CFH: variants seen among roughly 807,000 people sequenced by gnomAD.
CFH encodes the protein complement factor H.
CFH carries 53 observed loss-of-function variants against 147.3 expected under a neutral mutation model. The ratio of observed to expected loss-of-function variants is 0.36; its 90% CI spans 0.29 to 0.45. The LOEUF (loss-of-function observed/expected upper bound fraction) is 0.45. CFH is among the 20% of genes least tolerant of loss of function. The pLI is 1.00. For missense variants in CFH, 1,380 were observed against 1,498.0 expected (o/e 0.92, Z 1.30); for synonymous variants, 536 against 489.4 (o/e 1.10, Z -1.26).
At chr1:196,662,881 T>A (rs1283465925) in intron 1 of CFH, among the ~76,000 whole-genome samples, 3 of 144,768 alleles carry the variant, frequency 2.1e-5, no homozygotes, top group East Asian at 2.0e-4. Context: ...TGTCAAAAAA[T>A]AAAATAAAAT....
Position 196,737,651 on chromosome 1 carries a change from C to T in CFH, c.2773C>T (p.Gln925Ter). Residue 925 changes from glutamine (Q) to a stop codon, truncating the protein, a stop_gained, in exon 17 of 22, where the codon CAG (glutamine) becomes TAG (stop). Coordinates refer to ENST00000367429, the MANE Select transcript of CFH (RefSeq NM_000186.4). LOFTEE classifies it high-confidence loss of function. ...CATGGGAAAATGGAGTTCTCCACCT[C>T]AGTGTGAAGGTTAGGCCAATATGAA... ...CYMGKWSSPP[Q>*]CEGLPCKSPP... is the part of the protein sequence containing the mutation. 1 of 1,613,018 alleles carries T rather than the reference C, an allele frequency of 6.2e-7. No individual in the cohort carries two copies. The highest frequency in any genetic ancestry group is 8.5e-7 in the Non-Finnish European group (1 of 1,179,320).
rs435628 is a variant in CFH at position 196,736,756 on chromosome 1, T to G, written c.2414-68T>G. On this transcript the variant is annotated intron_variant, in intron 15 of 21. Transcript: ENST00000367429. ...CATATAAATTATTTTTCATCAAAAA[T>G]TCTAATTTTAATATTTTTATTTTTT... 0.02 allele frequency: 15,631 copies of G among 787,696 alleles called. 1,658 individuals are homozygous for G. In the African/African-American group the frequency reaches 0.24, roughly 12 times the overall value. The allele number at this position is 787,696 out of a possible 1,614,324, so 48.8% of individuals were successfully genotyped here.
rs1190384043 is a variant in CFH at position 196,677,604 on chromosome 1, G to A, written c.556G>A (p.Gly186Arg). Residue 186 changes from glycine to arginine, a missense_variant, in exon 5 of 22, where the codon GGA becomes AGA. This residue lies in a region of CFH where 260 missense variants were observed against 263.3 expected (regional missense o/e 0.99). Coordinates refer to ENST00000367429, the MANE Select transcript of CFH (RefSeq NM_000186.4). ...FVCNSGYKIE[G>R]DEEMHCSDDG... is the part of the protein sequence containing the mutation. ...ATGTAACTCAGGCTACAAGATTGAA[G>A]GAGATGAAGAAATGCATTGTTCAGA... 1.2e-6 allele frequency: 2 copies of A among 1,613,198 alleles called. No individual in the cohort carries two copies. Among genetic ancestry groups the A allele is most frequent in the Non-Finnish European group, 1.7e-6 (2 of 1,179,474 alleles).
intron 11 of CFH, among the ~76,000 whole-genome samples, chr1:196,724,321 A>G (rs379489): frequency 0.66 from 99,390 of 151,694 alleles, 33,324 homozygotes; most frequent in East Asian, 0.95. Flanking sequence ...CAGTCCCCAC[A>G]TGAGTGCACT....
intron 9 of CFH, among the ~76,000 whole-genome samples, chr1:196,710,287 T>A (rs1668695299): frequency 6.6e-6 from 1 of 152,160 alleles, no homozygotes; most frequent in African/African-American, 2.4e-5. Flanking sequence ...GCCCTTGTGT[T>A]GATTAAAGCC....
At chr1:196,745,493 T>TATAA (rs1231687141) in intron 20 of CFH, among the ~76,000 whole-genome samples, 1 of 152,208 alleles carries the variant, frequency 6.6e-6, no homozygotes, top group Non-Finnish European at 1.5e-5. Context: ...CTATGGGATT[T>TATAA]TTCGAATATG....
At chr1:196,699,662 T>C (rs554535260) in intron 9 of CFH, among the ~76,000 whole-genome samples, 1 of 152,310 alleles carries the variant, frequency 6.6e-6, no homozygotes, top group Non-Finnish European at 1.5e-5. Flanking sequence ...AGTTAATTTT[T>C]GTATGAGGTA....
intron 11 of CFH, among the ~76,000 whole-genome samples, chr1:196,720,620 C>CT (rs991012845): frequency 4.0e-5 from 6 of 151,158 alleles, no homozygotes; most frequent in East Asian, 3.9e-4. Context: ...TGATTTTATT[C>CT]TTTTTTTTTC....
At position 196,713,749 on chromosome 1, in the gene CFH, T is replaced by G. The variant is rs1487682490; in HGVS notation, c.1351T>G (p.Ser451Ala). The G allele has an allele frequency of 6.3e-7, 1 of 1,588,954 alleles. No individual in the cohort carries two copies. The highest frequency in any genetic ancestry group is 8.6e-7 in the Non-Finnish European group (1 of 1,158,486). ...RCIRVKTCSK[S>A]SIDIENGFIS... is the part of the protein sequence containing the mutation. ...TTCCCTTTTAGAAACATGTTCCAAA[T>G]CAAGTATAGATATTGAGAATGGGTT... Residue 451 changes from serine to alanine, a missense_variant, in exon 10 of 22, where the codon TCA becomes GCA. Ser to Ala is a moderately conservative substitution (Grantham distance 99, BLOSUM62 1). Coordinates refer to ENST00000367429, the MANE Select transcript of CFH (RefSeq NM_000186.4).
intron 1 of CFH, among the ~76,000 whole-genome samples, chr1:196,662,290 G>T (rs1304677832): frequency 6.6e-6 from 1 of 152,160 alleles, no homozygotes; most frequent in Non-Finnish European, 1.5e-5. Flanking sequence ...TCTGGACACT[G>T]TGAAGAACTT....
chr1:196,705,131 A>G (rs1281914332), intron 9 of CFH, among the ~76,000 whole-genome samples: 1 of 152,182 alleles, frequency 6.6e-6, no homozygotes, highest in Non-Finnish European at 1.5e-5. Flanking sequence ...CTTTGCTTAT[A>G]TATGTTGACG....
chr1:196,688,248 A>G (rs1667894883), intron 7 of CFH, among the ~76,000 whole-genome samples: 1 of 152,064 alleles, frequency 6.6e-6, no homozygotes, highest in South Asian at 2.1e-4. Context: ...AAACCTGTTA[A>G]TATAATAAAC....
chr1:196,736,769 ATTTTTATTTTTTAT>A, intron 15 of CFH, 41 bp from the exon 16 acceptor site: 1 of 910,586 alleles, frequency 1.1e-6, no homozygotes, highest in East Asian at 4.2e-5. Flanking sequence ...TAATTTTAAT[ATTTTTATTTTTTAT>A]TTTTTATTAT....
chr1:196,677,924 C>G (rs1667513426), intron 5 of CFH: 1 of 438,840 alleles, frequency 2.3e-6, no homozygotes, highest in South Asian at 2.1e-5. Flanking sequence ...AATCACATGC[C>G]CTGGATTATC....
intron 1 of CFH, among the ~76,000 whole-genome samples, chr1:196,672,719 T>C (rs953562417): frequency 5.3e-5 from 8 of 152,078 alleles, no homozygotes; most frequent in Admixed American, 3.9e-4. Flanking sequence ...CTTTGCAAAG[T>C]TTTTTAGGTG....
intron 9 of CFH, among the ~76,000 whole-genome samples, chr1:196,699,669 G>A (rs895926532): frequency 4.6e-5 from 7 of 152,114 alleles, no homozygotes; most frequent in African/African-American, 1.7e-4. Context: ...TTTTGTATGA[G>A]GTATGAGGAA....
intron 9 of CFH, among the ~76,000 whole-genome samples, chr1:196,709,752 G>T (rs1231113965): frequency 2.0e-5 from 3 of 151,934 alleles, no homozygotes; most frequent in African/African-American, 7.3e-5. Context: ...ATTGTGAGAT[G>T]ATAATCTTTC....
chr1:196,741,992 A>C lies in CFH; in HGVS notation c.3074A>C (p.Asp1025Ala). ...TYTCATYYKM[D>A]GASNVTCINS... Reference sequence around the variant, plus strand: ...ACTTGTGCAACATATTACAAAATGGATGGAGCCAGTAATGTAACATGCATT... The same window carrying C: ...ACTTGTGCAACATATTACAAAATGGCTGGAGCCAGTAATGTAACATGCATT... Residue 1025 changes from aspartate to alanine, a missense_variant, in exon 19 of 22, where the codon GAT becomes GCT. Transcript: ENST00000367429. 1 of 1,614,194 alleles carries C rather than the reference A, an allele frequency of 6.2e-7. No individual in the cohort carries two copies. The highest frequency in any genetic ancestry group is 8.5e-7 in the Non-Finnish European group (1 of 1,180,024).
chr1:196,652,190 G>A lies in CFH; in HGVS notation c.58+15G>A, dbSNP rs773430935. The A allele has an allele frequency of 1.3e-6, 2 of 1,583,196 alleles. No individual in the cohort carries two copies. Among genetic ancestry groups the A allele is most frequent in the South Asian group, 2.2e-5 (2 of 90,356 alleles). ...TGTAGCAGAAGGTAAGATTAAAAGAGACTCTTTTCTGAAAACTGTATTATG... is the reference window on the plus strand; with the variant it reads ...TGTAGCAGAAGGTAAGATTAAAAGAAACTCTTTTCTGAAAACTGTATTATG... On this transcript the variant is annotated intron_variant, in intron 1 of 21. Coordinates refer to ENST00000367429, the MANE Select transcript of CFH (RefSeq NM_000186.4).
Sources: allele counts gnomAD v4.1 joint callset (sites outside exome capture counted in the v4.1 genomes callset), GRCh38; gene constraint gnomAD v4.1.1; regional missense constraint gnomAD v4.1.1; transcripts MANE v1.5; gene names NCBI Gene and HGNC (gene_info 2026-07-23, HGNC 2026-07-21).